Variants in ARID5B observed in about 807,000 individuals in gnomAD.
ARID5B encodes AT-rich interaction domain 5B.
In ARID5B, 13 loss-of-function variants were observed where a neutral mutation model predicts 97.2. The ratio of observed to expected loss-of-function variants is 0.13; its 90% CI spans 0.09 to 0.21. ARID5B has a LOEUF of 0.21. Among genes scored for constraint, ARID5B ranks in the 10% least tolerant of loss-of-function variants. The pLI is 1.00. For missense variants in ARID5B, 1,210 were observed against 1,465.3 expected, an observed-to-expected ratio of 0.83 and a Z score of 2.84; for synonymous variants, 556 against 570.3, an observed-to-expected ratio of 0.97 and a Z score of 0.36.
At position 61,968,920 on chromosome 10, in the gene ARID5B, A is replaced by G. The variant is rs1838585416; in HGVS notation, c.502+28512A>G. Among the ~76,000 whole-genome samples the G allele has an allele frequency of 3.3e-5, 5 of 152,228 alleles. No homozygotes were observed. The South Asian group carries it at 8.3e-4, about 25-fold the overall frequency. ...GTTTCTAAAGTTTTAACCAAAGTGA[A>G]TAGAACAATAATAAATTGCTTTCAC... On this transcript the variant is annotated intron_variant, in intron 3 of 9. Coordinates refer to ENST00000279873, the MANE Select transcript of ARID5B (RefSeq NM_032199.3).
At position 62,000,381 on chromosome 10, in the gene ARID5B, G is replaced by C; in HGVS notation, c.733+60G>C. 1 of 1,464,904 alleles carries C rather than the reference G, an allele frequency of 6.8e-7. No individual in the cohort carries two copies. Among genetic ancestry groups the C allele is most frequent in the Non-Finnish European group, 9.3e-7 (1 of 1,080,776 alleles). The allele number at this position is 1,464,904 out of a possible 1,614,324, so 90.7% of individuals were successfully genotyped here. On this transcript the variant is annotated intron_variant, in intron 4 of 9. Coordinates refer to ENST00000279873, the MANE Select transcript of ARID5B (RefSeq NM_032199.3). The surrounding 1 kb of genome is among the most constrained non-coding windows in gnomAD (Gnocchi z 4.4). Reference sequence around the variant, plus strand: ...GTGCGTGTGTGCCTAGTTGTTTTCAGTTCTTCTGAAGAGCGGTGATGGGGA... The same window carrying C: ...GTGCGTGTGTGCCTAGTTGTTTTCACTTCTTCTGAAGAGCGGTGATGGGGA...
chr10:61,961,486 G>A (rs1267261974), intron 3 of ARID5B, among the ~76,000 whole-genome samples: 3 of 152,142 alleles, frequency 2.0e-5, no homozygotes, highest in Non-Finnish European at 4.4e-5. Flanking sequence ...GGTTGGAACC[G>A]GTTGCGCTGA....
At chr10:62,011,190 C>T (rs7902150) in intron 4 of ARID5B, among the ~76,000 whole-genome samples, 7,088 of 152,152 alleles carry the variant, frequency 0.047, 568 homozygotes, top group African/African-American at 0.16. Flanking sequence ...TTTCCTCGTC[C>T]GGTCCCAGGC....
chr10:62,012,500 C>T (rs1240300545), intron 4 of ARID5B, among the ~76,000 whole-genome samples: 5 of 152,074 alleles, frequency 3.3e-5, no homozygotes, highest in Non-Finnish European at 7.4e-5. Flanking sequence ...CTCCAGCCTC[C>T]CAAGCAACTG....
chr10:62,078,161 T>C lies in ARID5B; in HGVS notation c.1200-7541T>C, dbSNP rs139520023. 8.3e-3 allele frequency among the ~76,000 whole-genome samples: 1,268 copies of C among 152,296 alleles called. 9 individuals are homozygous for C. The highest frequency in any genetic ancestry group is 0.013 in the Non-Finnish European group (881 of 68,022). On this transcript the variant is annotated intron_variant, in intron 8 of 9. Coordinates refer to ENST00000279873, the MANE Select transcript of ARID5B (RefSeq NM_032199.3). ...CCTATTTTTATATTTTGACACTGGC[T>C]TCCATCATTTGTGGGGTACACATCA...
At chr10:61,996,720 T>C (rs191876121) in intron 3 of ARID5B, among the ~76,000 whole-genome samples, 2 of 152,238 alleles carry the variant, frequency 1.3e-5, no homozygotes, top group African/African-American at 2.4e-5. Context: ...GGAAACAGTC[T>C]CTCTGTTTCT....
intron 7 of ARID5B, among the ~76,000 whole-genome samples, chr10:62,066,738 G>A (rs1245059615): frequency 6.6e-6 from 1 of 152,202 alleles, no homozygotes; most frequent in Non-Finnish European, 1.5e-5. Context: ...TGATAGACAA[G>A]TGTATCATAG....
chr10:62,032,373 C>A (rs955482854), intron 4 of ARID5B, among the ~76,000 whole-genome samples: 2 of 152,122 alleles, frequency 1.3e-5, no homozygotes, highest in Non-Finnish European at 2.9e-5. Flanking sequence ...ACTATATTGT[C>A]TTCTCTGTGC....
intron 4 of ARID5B, among the ~76,000 whole-genome samples, chr10:62,005,924 C>T (rs951390635): frequency 3.9e-5 from 6 of 152,122 alleles, no homozygotes; most frequent in African/African-American, 1.4e-4. Context: ...TGGCTTTGTT[C>T]CTGGCCCCTG....
At chr10:61,919,036 T>TCCC (rs71022105) in intron 2 of ARID5B, among the ~76,000 whole-genome samples, 17 of 63,442 alleles carry the variant, frequency 2.7e-4, no homozygotes, top group Non-Finnish European at 3.7e-4. Context: ...CCTGACTCCG[T>TCCC]CCCCCCCCCC....
chr10:61,972,110 C>T (rs970124322), intron 3 of ARID5B, among the ~76,000 whole-genome samples: 7 of 151,910 alleles, frequency 4.6e-5, no homozygotes, highest in African/African-American at 1.7e-4. Flanking sequence ...ATCCAGAATA[C>T]CACCATACTG....
At chr10:62,043,260 T>A (rs1168351366) in intron 4 of ARID5B, among the ~76,000 whole-genome samples, 4 of 152,178 alleles carry the variant, frequency 2.6e-5, no homozygotes, top group Non-Finnish European at 5.9e-5. Flanking sequence ...AGCCAGACTG[T>A]CTCCTCACTC....
intron 4 of ARID5B, among the ~76,000 whole-genome samples, chr10:62,017,408 C>T (rs1346578040): frequency 2.6e-5 from 4 of 151,324 alleles, no homozygotes; most frequent in South Asian, 2.1e-4. Context: ...GCCAAGATCA[C>T]GTCATTGCAC....
At chr10:62,002,239 G>A (rs1042008332) in intron 4 of ARID5B, among the ~76,000 whole-genome samples, 3 of 152,288 alleles carry the variant, frequency 2.0e-5, no homozygotes, top group South Asian at 4.1e-4. Context: ...ATTTAACAGC[G>A]ATCACAATGG....
chr10:62,015,687 G>A (rs766543435), intron 4 of ARID5B, among the ~76,000 whole-genome samples: 2 of 152,008 alleles, frequency 1.3e-5, no homozygotes, highest in Non-Finnish European at 2.9e-5. Context: ...GCAGTGGCGC[G>A]ATCTTGGCTC....
chr10:61,925,934 G>A (rs562231518), intron 2 of ARID5B, among the ~76,000 whole-genome samples: 4 of 152,100 alleles, frequency 2.6e-5, no homozygotes, highest in South Asian at 2.1e-4. Flanking sequence ...TCTTGTGCCC[G>A]GATGGATTTC....
chr10:61,994,990 G>T (rs1197043539), intron 3 of ARID5B, among the ~76,000 whole-genome samples: 1 of 152,112 alleles, frequency 6.6e-6, no homozygotes, highest in Non-Finnish European at 1.5e-5. Flanking sequence ...CATTTTAATA[G>T]AATATCATAA....
At chr10:61,992,054 C>G (rs1481732416) in intron 3 of ARID5B, among the ~76,000 whole-genome samples, 2 of 151,802 alleles carry the variant, frequency 1.3e-5, no homozygotes, top group African/African-American at 4.8e-5. Context: ...AAGTGAATGG[C>G]TGACTCTAGC....
chr10:61,920,880 C>T (rs1844002700), intron 2 of ARID5B, among the ~76,000 whole-genome samples: 1 of 152,048 alleles, frequency 6.6e-6, no homozygotes, highest in South Asian at 2.1e-4. Flanking sequence ...CCATACTTGG[C>T]AAGATTATAT....
Sources: gnomAD v4.1 joint callset for allele counts (sites outside exome capture counted in the v4.1 genomes callset) on GRCh38, gnomAD v4.1.1 for gene constraint, Gnocchi (gnomAD v3.1) non-coding constraint, MANE v1.5 for transcripts, NCBI Gene and HGNC (gene_info 2026-07-23, HGNC 2026-07-21) for gene names.